The following MTMR2 variants were observed in gnomAD, a reference collection of about 807,000 sequenced individuals.
MTMR2 encodes phosphatidylinositol-3,5-bisphosphate 3-phosphatase MTMR2.
A neutral mutation model predicts 86.9 loss-of-function variants in MTMR2; 55 were observed. The observed-to-expected ratio is 0.63, with a 90% CI of 0.51 to 0.79. The LOEUF is 0.79. Ranked by LOEUF, MTMR2 falls within the 30% of genes least tolerant of loss-of-function variation. The pLI is 0.00. For synonymous variants in MTMR2, 241 were observed against 266.8 expected (o/e 0.90, Z 0.94); for missense variants, 659 against 772.3 (o/e 0.85, Z 1.74).
chr11:95,858,811 A>G (rs976228388), intron 5 of MTMR2, among the ~76,000 whole-genome samples, 179 bp from the exon 6 acceptor site: 2 of 152,218 alleles, frequency 1.3e-5, no homozygotes, highest in African/African-American at 4.8e-5. Flanking sequence ...AAAAACTGAA[A>G]GAAACACAAG....
chr11:95,923,406 T>A (rs1002219071), intron 1 of MTMR2, among the ~76,000 whole-genome samples: 1 of 151,264 alleles, frequency 6.6e-6, no homozygotes, highest in Non-Finnish European at 1.5e-5. Context: ...ATTAAGAAGG[T>A]GAAGCCATGA....
At chr11:95,842,694 C>T (rs138976302) in intron 11 of MTMR2, among the ~76,000 whole-genome samples, 132 of 152,310 alleles carry the variant, frequency 8.7e-4, no homozygotes, top group African/African-American at 2.9e-3. Context: ...TTACCTTTTT[C>T]AGTGTGTTGG....
Position 95,835,198 on chromosome 11 carries a change from A to AGAT in MTMR2, c.*89_*91dup. On this transcript the variant is annotated 3_prime_UTR_variant, in exon 15 of 15. Coordinates refer to ENST00000346299, the MANE Select transcript of MTMR2 (RefSeq NM_016156.6). ...ATAAAGTGACTGAACTTTCTCTCAT[A>AGAT]GATGGGTTCTAAATTCCGAAGACTT... The AGAT allele has an allele frequency of 7.7e-7, 1 of 1,301,578 alleles. No homozygotes were observed. The highest frequency in any genetic ancestry group is 1.2e-5 in the South Asian group (1 of 81,340). The allele number at this position is 1,301,578 out of a possible 1,614,324, so 80.6% of individuals were successfully genotyped here. A position where few individuals can be genotyped will look rare whatever the true frequency, so the allele number is the denominator to read the frequency against.
intron 2 of MTMR2, among the ~76,000 whole-genome samples, chr11:95,885,247 T>C (rs1865475284): frequency 6.6e-6 from 1 of 152,098 alleles, no homozygotes; most frequent in Non-Finnish European, 1.5e-5. Flanking sequence ...TCGTATTATC[T>C]CCAGATTGTA....
Position 95,844,946 on chromosome 11 carries a change from T to TGACCTCA in MTMR2, c.1386+6_1386+7insTGAGGTC. On this transcript the variant is annotated splice_region_variant and intron_variant, in intron 11 of 14. Transcript: ENST00000346299. ...TGATATATCCAAAGTCAAGGTTCCT[T>TGACCTCA]ACTTACTAGTTGAAATCGATGTCCA... The TGACCTCA allele has an allele frequency of 6.3e-7, 1 of 1,584,356 alleles. No homozygotes were observed. Among genetic ancestry groups the TGACCTCA allele is most frequent in the Non-Finnish European group, 8.7e-7 (1 of 1,155,842 alleles).
intron 1 of MTMR2, among the ~76,000 whole-genome samples, chr11:95,896,369 G>T (rs1865882754): frequency 6.6e-6 from 1 of 150,998 alleles, no homozygotes; most frequent in Admixed American, 6.6e-5. Flanking sequence ...AGGCTGGAGT[G>T]CAACAGTGCA....
At chr11:95,905,998 GT>G in intron 1 of MTMR2, among the ~76,000 whole-genome samples, 1 of 152,346 alleles carries the variant, frequency 6.6e-6, no homozygotes, top group Middle Eastern at 3.4e-3. Context: ...GCTGAGGCAG[GT>G]GGATCACTTG....
chr11:95,902,437 C>T (rs779781398), intron 1 of MTMR2, among the ~76,000 whole-genome samples: 6 of 152,132 alleles, frequency 3.9e-5, no homozygotes, highest in Non-Finnish European at 8.8e-5. Context: ...CCTTTCCTCC[C>T]TTCAACATCA....
chr11:95,870,890 C>A (rs902310014), intron 2 of MTMR2, among the ~76,000 whole-genome samples: 11 of 151,868 alleles, frequency 7.2e-5, no homozygotes, highest in Admixed American at 2.0e-4. Flanking sequence ...TCCCCCCTTC[C>A]CCCACCCCAC....
At chr11:95,835,595 G>A in intron 14 of MTMR2, 144 bp from the exon 15 acceptor site, 1 of 773,252 alleles carries the variant, frequency 1.3e-6, no homozygotes, top group Non-Finnish European at 2.2e-6. Context: ...TTAAATACCG[G>A]GACTGTGGAC....
At chr11:95,835,890 A>G (rs1475094132) in intron 14 of MTMR2, among the ~76,000 whole-genome samples, 3 of 152,024 alleles carry the variant, frequency 2.0e-5, no homozygotes, top group Non-Finnish European at 4.4e-5. Flanking sequence ...AAGACCCCCT[A>G]GAGGTTATCC....
chr11:95,920,340 C>T (rs953479941), intron 1 of MTMR2, among the ~76,000 whole-genome samples: 1 of 152,198 alleles, frequency 6.6e-6, no homozygotes, highest in Non-Finnish European at 1.5e-5. Flanking sequence ...TGGAGTCTCA[C>T]TCTATTGCCC....
intron 14 of MTMR2, 82 bp from the exon 15 acceptor site, chr11:95,835,533 A>ATGTT (rs1184302199): frequency 3.5e-6 from 5 of 1,443,444 alleles, no homozygotes; most frequent in Non-Finnish European, 4.8e-6. Flanking sequence ...GTTGCAGTGT[A>ATGTT]TGTTTTTTCA....
intron 1 of MTMR2, among the ~76,000 whole-genome samples, chr11:95,891,745 C>T (rs995916737): frequency 6.6e-6 from 1 of 151,946 alleles, no homozygotes; most frequent in Non-Finnish European, 1.5e-5. Context: ...ACTCTCCAGG[C>T]AAATATTGAA....
chr11:95,885,269 T>A (rs192105474), intron 2 of MTMR2, among the ~76,000 whole-genome samples: 1 of 152,218 alleles, frequency 6.6e-6, no homozygotes, highest in African/African-American at 2.4e-5. Context: ...ATTTGCAAAA[T>A]GATCTTTTGC....
At chr11:95,852,705 T>C (rs190891496) in intron 7 of MTMR2, among the ~76,000 whole-genome samples, 32 of 152,278 alleles carry the variant, frequency 2.1e-4, no homozygotes, top group African/African-American at 7.2e-4. Context: ...CATGACTTAT[T>C]TCCAGAACTA....
Position 95,835,447 on chromosome 11 carries a change from G to C in MTMR2, c.1775C>G (p.Pro592Arg), listed in dbSNP as rs777376551. ...RWNPRMKPQE[P>R]IHNRYKELLA... ...AAGTTCTTTGTATCTGTTGTGAATA[G>C]GTTCCTGCAAGAGCAAAACATAAAA... is the stretch of plus-strand genomic sequence containing the variant. The change falls in exon 15 of 15, where the codon CCT (proline) becomes CGT (arginine). Residue 592 changes from proline to arginine, a missense_variant. Physicochemically the swap from Pro to Arg is moderately radical, Grantham distance 103. Around this residue, in one of 3 missense-constraint regions of MTMR2, gnomAD observed 193 missense variants for 191.6 expected, o/e 1.01. Coordinates refer to ENST00000346299, the MANE Select transcript of MTMR2 (RefSeq NM_016156.6). The C allele has an allele frequency of 3.1e-6, 5 of 1,612,308 alleles. No individual in the cohort carries two copies. The highest frequency in any genetic ancestry group is 1.1e-5 in the South Asian group (1 of 91,014).
chr11:95,873,407 A>G (rs1565365872), intron 2 of MTMR2, among the ~76,000 whole-genome samples: 1 of 152,146 alleles, frequency 6.6e-6, no homozygotes, highest in Non-Finnish European at 1.5e-5. Context: ...AGGTGTTTAT[A>G]GTATTCTCTG....
chr11:95,879,178 G>C (rs1865232005), intron 2 of MTMR2, among the ~76,000 whole-genome samples: 1 of 152,054 alleles, frequency 6.6e-6, no homozygotes, highest in African/African-American at 2.4e-5. Context: ...TAAAAATGTG[G>C]GAGTCATCCA....
Sources: gnomAD v4.1 joint callset for allele counts (sites outside exome capture counted in the v4.1 genomes callset) on GRCh38, gnomAD v4.1.1 for gene constraint, gnomAD v4.1.1 regional missense constraint, MANE v1.5 for transcripts, NCBI Gene and HGNC (gene_info 2026-07-23, HGNC 2026-07-21) for gene names.